The following ETV6 variants were observed in gnomAD, a reference collection of about 807,000 sequenced individuals.
ETV6 encodes the protein transcription factor ETV6.
ETV6 carries 16 observed loss-of-function variants against 51.1 expected under a neutral mutation model. The ratio of observed to expected loss-of-function variants is 0.31; its 90% CI spans 0.21 to 0.48. ETV6 has a LOEUF of 0.48. Ranked by LOEUF, ETV6 falls within the 20% of genes least tolerant of loss-of-function variation. ETV6 has a pLI of 0.99. For missense variants in ETV6, 458 were observed against 594.8 expected (o/e 0.77, Z 2.39); for synonymous variants, 240 against 224.1 (o/e 1.07, Z -0.64).
chr12:11,700,921 T>G (rs1864968373), intron 1 of ETV6, among the ~76,000 whole-genome samples: 1 of 152,154 alleles, frequency 6.6e-6, no homozygotes, highest in African/African-American at 2.4e-5. Flanking sequence ...ATTTCATCTG[T>G]TTGTTTCCTA....
intron 2 of ETV6, among the ~76,000 whole-genome samples, chr12:11,754,236 C>G (rs1944969844): frequency 6.6e-6 from 1 of 152,182 alleles, no homozygotes; most frequent in Non-Finnish European, 1.5e-5. Context: ...CGGCACTCTT[C>G]TGTGTCCTGG....
chr12:11,698,646 C>T (rs2724654), intron 1 of ETV6, among the ~76,000 whole-genome samples: 1 of 152,104 alleles, frequency 6.6e-6, no homozygotes, highest in Non-Finnish European at 1.5e-5. Context: ...GCTCATATTT[C>T]TTTATAGGTG....
chr12:11,726,962 G>A (rs1033869384), intron 1 of ETV6, among the ~76,000 whole-genome samples: 2 of 152,184 alleles, frequency 1.3e-5, no homozygotes, highest in African/African-American at 4.8e-5. Context: ...TGAGGAAACC[G>A]AGCTTTGGGA....
chr12:11,853,784 A>AT (rs1165236449), intron 4 of ETV6, among the ~76,000 whole-genome samples: 1 of 152,218 alleles, frequency 6.6e-6, no homozygotes, highest in Non-Finnish European at 1.5e-5. Context: ...GCGTAACCAT[A>AT]TAGTAGGCAC....
chr12:11,739,748 T>C (rs529613585), intron 1 of ETV6, among the ~76,000 whole-genome samples: 6 of 152,244 alleles, frequency 3.9e-5, no homozygotes, highest in Admixed American at 6.5e-5. Flanking sequence ...TCCTATGTTA[T>C]TTAGATGCAT....
chr12:11,664,228 T>G (rs1331747194), intron 1 of ETV6, among the ~76,000 whole-genome samples: 1 of 152,254 alleles, frequency 6.6e-6, no homozygotes, highest in Admixed American at 6.5e-5. Context: ...ATGCCATGCT[T>G]CTGCTGTGTT....
intron 2 of ETV6, among the ~76,000 whole-genome samples, chr12:11,787,921 A>G (rs1003357496): frequency 1.3e-5 from 2 of 152,262 alleles, no homozygotes; most frequent in African/African-American, 2.4e-5. Context: ...TAGAAGACCC[A>G]GTAAGCAATC....
intron 2 of ETV6, among the ~76,000 whole-genome samples, chr12:11,823,104 C>A (rs998594433): frequency 6.6e-6 from 1 of 152,154 alleles, no homozygotes; most frequent in Non-Finnish European, 1.5e-5. Context: ...CAAGACCAAC[C>A]GCACCTGTAG....
chr12:11,728,319 G>A (rs375536640), intron 1 of ETV6, among the ~76,000 whole-genome samples: 2 of 152,156 alleles, frequency 1.3e-5, no homozygotes, highest in African/African-American at 2.4e-5. Flanking sequence ...CCCCCAGACC[G>A]CAGACTAGTA....
At chr12:11,841,005 T>G (rs1338804416) in intron 3 of ETV6, 1 of 156,946 alleles carries the variant, frequency 6.4e-6, no homozygotes, top group Non-Finnish European at 1.4e-5. Context: ...AAACCATTCA[T>G]GTAAAGCAAG....
At position 11,860,626 on chromosome 12, in the gene ETV6, A is replaced by G. The variant is rs373076795; in HGVS notation, c.463+7065A>G. Among the ~76,000 whole-genome samples the G allele has an allele frequency of 2.0e-4, 31 of 152,184 alleles. No individual in the cohort carries two copies. The East Asian group carries it at 2.9e-3, about 14-fold the overall frequency. ...TTAATACGGAAAATGCCCTTAGAATAGCCAAGCATTCGGTAAATGTTATTC... is the reference window on the plus strand; with the variant it reads ...TTAATACGGAAAATGCCCTTAGAATGGCCAAGCATTCGGTAAATGTTATTC... On this transcript the variant is annotated intron_variant, in intron 4 of 7. Coordinates refer to ENST00000396373, the MANE Select transcript of ETV6 (RefSeq NM_001987.5).
intron 7 of ETV6, among the ~76,000 whole-genome samples, chr12:11,888,960 C>G (rs1947247397): frequency 6.6e-6 from 1 of 151,990 alleles, no homozygotes; most frequent in South Asian, 2.1e-4. Flanking sequence ...GTGTCAAGTC[C>G]TTCTCCCCGA....
chr12:11,695,012 A>G (rs953758871), intron 1 of ETV6, among the ~76,000 whole-genome samples: 7 of 152,210 alleles, frequency 4.6e-5, no homozygotes, highest in Non-Finnish European at 8.8e-5. Flanking sequence ...CCCTTTGTAT[A>G]CTGAATTTTG....
rs370195143 is a variant in ETV6, at chr12:11,869,153, A to G, written c.464-271A>G. The stretch of plus-strand genomic sequence containing the variant: ...CGGGAGGCTGAGGCCGGAGAATGGC[A>G]TGAACCCGGGAGGCAGAGCTTGCAG... On this transcript the variant is annotated intron_variant, in intron 4 of 7. Coordinates refer to ENST00000396373, the MANE Select transcript of ETV6 (RefSeq NM_001987.5). This position sits in a 1 kb window ranked among gnomAD's most constrained non-coding sequence, Gnocchi z 5.0. Among the ~76,000 whole-genome samples the G allele has an allele frequency of 6.5e-4, 99 of 151,856 alleles. No individual in the cohort carries two copies. The highest frequency in any genetic ancestry group is 1.8e-3 in the African/African-American group (76 of 41,430).
At chr12:11,742,455 A>G (rs1865827279) in intron 1 of ETV6, among the ~76,000 whole-genome samples, 1 of 152,206 alleles carries the variant, frequency 6.6e-6, no homozygotes, top group South Asian at 2.1e-4. Context: ...TGCCAAGGTG[A>G]TTATGACTTC....
chr12:11,799,947 G>A (rs537276351), intron 2 of ETV6, among the ~76,000 whole-genome samples: 10 of 152,192 alleles, frequency 6.6e-5, no homozygotes, highest in Non-Finnish European at 1.3e-4. Context: ...ACAATTACTT[G>A]TAGAGACAAA....
chr12:11,690,541 T>A (rs1335917547), intron 1 of ETV6, among the ~76,000 whole-genome samples: 1 of 152,002 alleles, frequency 6.6e-6, no homozygotes, highest in Admixed American at 6.6e-5. Flanking sequence ...CAGTGAGCTA[T>A]GATTGTACCA....
At chr12:11,700,576 GTTAA>G (rs1382888728) in intron 1 of ETV6, among the ~76,000 whole-genome samples, 7 of 152,020 alleles carry the variant, frequency 4.6e-5, no homozygotes, top group African/African-American at 9.7e-5. Context: ...AACGTAAATG[GTTAA>G]TTAACACATA....
chr12:11,718,646 T>C (rs1388028588), intron 1 of ETV6, among the ~76,000 whole-genome samples: 2 of 149,582 alleles, frequency 1.3e-5, no homozygotes, highest in African/African-American at 2.5e-5. Context: ...TGGTGGTGTG[T>C]GCCTGTAGTC....
Sources: gnomAD v4.1 joint callset for allele counts (sites outside exome capture counted in the v4.1 genomes callset) on GRCh38, gnomAD v4.1.1 for gene constraint, Gnocchi (gnomAD v3.1) non-coding constraint, MANE v1.5 for transcripts, NCBI Gene and HGNC (gene_info 2026-07-23, HGNC 2026-07-21) for gene names.